Variants in STK32B observed in about 807,000 individuals in gnomAD.
STK32B encodes serine/threonine-protein kinase 32B.
In STK32B, 43 loss-of-function variants were observed where a neutral mutation model predicts 52.6. That is an observed-to-expected ratio of 0.82 (90% CI 0.64 to 1.05). STK32B has a LOEUF of 1.05. STK32B is among the 50% of genes least tolerant of loss of function. The probability of loss-of-function intolerance (pLI) is 0.00; values close to 1 mark genes in which losing one functional copy is unlikely to be tolerated. For synonymous variants in STK32B, 238 were observed against 204.3 expected, an observed-to-expected ratio of 1.17 and a Z score of -1.41; for missense variants, 621 against 534.6, an observed-to-expected ratio of 1.16 and a Z score of -1.59.
chr4:5,212,976 G>A (rs542312183), intron 3 of STK32B, among the ~76,000 whole-genome samples: 1 of 152,198 alleles, frequency 6.6e-6, no homozygotes, highest in African/African-American at 2.4e-5. Flanking sequence ...TATATTCTCT[G>A]CATCCTATGT....
chr4:5,066,875 C>T lies in STK32B; in HGVS notation c.52+14960C>T, dbSNP rs143435697. Among the ~76,000 whole-genome samples, 852 of 152,320 alleles carry T rather than the reference C, an allele frequency of 5.6e-3. 4 individuals are homozygous for T. The highest frequency in any genetic ancestry group is 0.019 in the African/African-American group (798 of 41,562). On this transcript the variant is annotated intron_variant, in intron 1 of 11. Coordinates refer to ENST00000282908, the MANE Select transcript of STK32B (RefSeq NM_018401.3). ...ATCTTTCTTCAAGATGCCTTATCTG[C>T]TTCCTAGACTGGGTAATTCCTCCTA...
rs115998112 is a variant in STK32B, at chr4:5,336,881, C to G, written c.434+5488C>G. ...ACGGAGCAATGGCTAGAAACAGACA[C>G]ATACCAAAACAAATGTCAGATCTGA... is the stretch of plus-strand genomic sequence containing the variant. On this transcript the variant is annotated intron_variant, in intron 4 of 11. Transcript: ENST00000282908. Among the ~76,000 whole-genome samples the G allele has an allele frequency of 7.9e-3, 1,206 of 152,332 alleles. 18 individuals are homozygous for G. Among genetic ancestry groups the G allele is most frequent in the African/African-American group, 0.028 (1,161 of 41,570 alleles).
At chr4:5,457,182 C>T (rs904313174) in intron 8 of STK32B, among the ~76,000 whole-genome samples, 105 of 149,950 alleles carry the variant, frequency 7.0e-4, no homozygotes, top group Non-Finnish European at 9.7e-4. Context: ...TCCTAATAAA[C>T]GGAAATAATG....
At chr4:5,318,727 C>G (rs1188010479) in intron 3 of STK32B, among the ~76,000 whole-genome samples, 1 of 152,030 alleles carries the variant, frequency 6.6e-6, no homozygotes, top group Non-Finnish European at 1.5e-5. Flanking sequence ...ATGACCAGAG[C>G]AAAGAGTTCA....
At chr4:5,279,408 A>G (rs1039573318) in intron 3 of STK32B, among the ~76,000 whole-genome samples, 3 of 151,964 alleles carry the variant, frequency 2.0e-5, no homozygotes, top group African/African-American at 7.3e-5. Flanking sequence ...CATCCAGGCC[A>G]CACTGATGCA....
chr4:5,490,780 G>A (rs1429129166), intron 11 of STK32B, among the ~76,000 whole-genome samples: 1 of 151,996 alleles, frequency 6.6e-6, no homozygotes, highest in Non-Finnish European at 1.5e-5. Flanking sequence ...GTGTCCATGT[G>A]TTCTCATTGT....
intron 4 of STK32B, among the ~76,000 whole-genome samples, chr4:5,383,525 T>C (rs1736061031): frequency 6.6e-6 from 1 of 152,200 alleles, no homozygotes; most frequent in Admixed American, 6.5e-5. Context: ...CAGATGATCT[T>C]TCTTGCCCAG....
At chr4:5,478,601 C>T (rs771203470) in intron 11 of STK32B, among the ~76,000 whole-genome samples, 12 of 152,230 alleles carry the variant, frequency 7.9e-5, no homozygotes, top group East Asian at 3.9e-4. Context: ...GAGAAATCTC[C>T]GGGAGACTGG....
At chr4:5,206,518 A>C (rs1722586495) in intron 3 of STK32B, among the ~76,000 whole-genome samples, 1 of 152,146 alleles carries the variant, frequency 6.6e-6, no homozygotes, top group South Asian at 2.1e-4. Flanking sequence ...TTCTTCCAAC[A>C]ACAGTCATTA....
chr4:5,355,972 C>G (rs1006041197), intron 4 of STK32B, among the ~76,000 whole-genome samples: 2 of 152,130 alleles, frequency 1.3e-5, no homozygotes, highest in African/African-American at 2.4e-5. Context: ...GACTCAGCAC[C>G]TTCAGACCAG....
chr4:5,472,041 A>G (rs930694566), intron 11 of STK32B, among the ~76,000 whole-genome samples: 1 of 151,940 alleles, frequency 6.6e-6, no homozygotes, highest in Admixed American at 6.6e-5. Context: ...GGTTCCTGCA[A>G]CTCCCACTGT....
In STK32B at chr4:5,196,333, A is replaced by ATT. The variant is rs1721654745; in HGVS notation, c.260+27883_260+27884insTT. ...CTTTCCTCTCCTCTCTTCTTTCTTCAGTTTTTTTTTTTTTTTTTTTTTTTT... is the reference window on the plus strand; with the variant it reads ...CTTTCCTCTCCTCTCTTCTTTCTTCATTGTTTTTTTTTTTTTTTTTTTTTTTT... On this transcript the variant is annotated intron_variant, in intron 3 of 11. Coordinates refer to ENST00000282908, the MANE Select transcript of STK32B (RefSeq NM_018401.3). Among the ~76,000 whole-genome samples, 4 of 61,976 alleles carry ATT rather than the reference A, an allele frequency of 6.5e-5. No homozygotes were observed. The East Asian group carries it at 2.0e-3, about 30-fold the overall frequency. 40.7% of individuals were successfully genotyped at this position (61,976 alleles called of 152,430 possible). A position where few individuals can be genotyped will look rare whatever the true frequency, so the allele number is the denominator to read the frequency against.
chr4:5,150,545 C>T (rs1430732472), intron 2 of STK32B, among the ~76,000 whole-genome samples: 1 of 151,698 alleles, frequency 6.6e-6, no homozygotes, highest in African/African-American at 2.4e-5. Context: ...CATATTCTGC[C>T]TCTTTGGCAG....
chr4:5,083,545 C>A (rs1253344183), intron 1 of STK32B, among the ~76,000 whole-genome samples: 1 of 152,060 alleles, frequency 6.6e-6, no homozygotes, highest in Admixed American at 6.6e-5. Flanking sequence ...CAGAGACTGG[C>A]AAATAGTACA....
chr4:5,303,556 T>G (rs1056688077), intron 3 of STK32B, among the ~76,000 whole-genome samples: 1 of 152,180 alleles, frequency 6.6e-6, no homozygotes, highest in Non-Finnish European at 1.5e-5. Flanking sequence ...CTGATTTGTT[T>G]GAGTTCCTTG....
chr4:5,257,067 A>G (rs1332366361), intron 3 of STK32B, among the ~76,000 whole-genome samples: 1 of 143,414 alleles, frequency 7.0e-6, no homozygotes, highest in African/African-American at 2.9e-5. Flanking sequence ...ATGTGAGTAA[A>G]TGAATGAATA....
chr4:5,259,300 T>C (rs1726548004), intron 3 of STK32B, among the ~76,000 whole-genome samples: 1 of 152,242 alleles, frequency 6.6e-6, no homozygotes, highest in African/African-American at 2.4e-5. Flanking sequence ...TCCAAAATGT[T>C]CTTGGCACCT....
In STK32B at chr4:5,131,757, TATC is replaced by T. The variant is rs1715791305; in HGVS notation, c.53-8147_53-8145del. Among the ~76,000 whole-genome samples the T allele has an allele frequency of 2.0e-5, 3 of 152,350 alleles. No homozygotes were observed. In the East Asian group the frequency reaches 5.8e-4, roughly 29 times the overall value. On this transcript the variant is annotated intron_variant, in intron 1 of 11. Transcript: ENST00000282908. ...CACTTTATTTATGGATCTGCTCTAT[TATC>T]CTCTTTTTAGAAAGGCTTGCCCTGA...
In STK32B at chr4:5,058,212, C is replaced by T. The variant is rs1039928164; in HGVS notation, c.52+6297C>T. Among the ~76,000 whole-genome samples, 11 of 152,308 alleles carry T rather than the reference C, an allele frequency of 7.2e-5. No homozygotes were observed. Among genetic ancestry groups the T allele is most frequent in the Middle Eastern group, 3.4e-3 (1 of 294 alleles). The stretch of plus-strand genomic sequence containing the variant: ...AGTGCGGGACATTATCCTGTTTCAA[C>T]GTGGGAACATTATCACTGTTCACCA... On this transcript the variant is annotated intron_variant, in intron 1 of 11. Coordinates refer to ENST00000282908, the MANE Select transcript of STK32B (RefSeq NM_018401.3). This position sits in a 1 kb window ranked among gnomAD's most constrained non-coding sequence, Gnocchi z 4.8.
Sources: allele counts gnomAD v4.1 joint callset (sites outside exome capture counted in the v4.1 genomes callset), GRCh38; gene constraint gnomAD v4.1.1; non-coding constraint Gnocchi (gnomAD v3.1); transcripts MANE v1.5; gene names NCBI Gene and HGNC (gene_info 2026-07-23, HGNC 2026-07-21).